Variants in PXDNL observed in about 807,000 individuals in gnomAD.
The protein encoded by PXDNL is peroxidasin like, also known as probable oxidoreductase PXDNL.
PXDNL carries 145 observed loss-of-function variants against 150.8 expected under a neutral mutation model. The ratio of observed to expected loss-of-function variants is 0.96; its 90% CI spans 0.84 to 1.10. The LOEUF is 1.10. Among genes scored for constraint, PXDNL ranks in the 50% least tolerant of loss-of-function variants. The probability of loss-of-function intolerance (pLI) is 0.00; values close to 1 mark genes in which losing one functional copy is unlikely to be tolerated. For synonymous variants in PXDNL, 757 were observed against 725.7 expected (o/e 1.04, Z -0.69); for missense variants, 2,087 against 1,873.9 (o/e 1.11, Z -2.10).
chr8:51,704,660 A>C (rs1324850586), intron 1 of PXDNL, among the ~76,000 whole-genome samples: 5 of 152,178 alleles, frequency 3.3e-5, no homozygotes, highest in Non-Finnish European at 1.5e-5. Context: ...TCAAACTTTA[A>C]TTTTAGCCAA....
chr8:51,505,714 C>T (rs1811270471), intron 4 of PXDNL, among the ~76,000 whole-genome samples: 1 of 152,142 alleles, frequency 6.6e-6, no homozygotes, highest in Admixed American at 6.5e-5. Flanking sequence ...GCTTGCAATA[C>T]AGGGGATCTT....
chr8:51,549,672 G>C (rs117348713), intron 4 of PXDNL, among the ~76,000 whole-genome samples: 10,515 of 152,046 alleles, frequency 0.069, 459 homozygotes, highest in South Asian at 0.1. Flanking sequence ...CTCTGGGATA[G>C]AGAAAAAGCA....
At chr8:51,576,831 T>C (rs1291969241) in intron 3 of PXDNL, among the ~76,000 whole-genome samples, 1 of 151,584 alleles carries the variant, frequency 6.6e-6, no homozygotes, top group Non-Finnish European at 1.5e-5. Context: ...CTACAAATCC[T>C]GCAGACATTA....
At chr8:51,413,102 G>A (rs750110375) in intron 15 of PXDNL, 48 bp downstream of exon 15, 3 of 1,141,914 alleles carry the variant, frequency 2.6e-6, no homozygotes, top group South Asian at 1.3e-5. Flanking sequence ...AAACTAAGTA[G>A]AACAGAAATG....
intron 12 of PXDNL, among the ~76,000 whole-genome samples, chr8:51,446,674 C>A (rs1213471998): frequency 6.6e-6 from 1 of 152,046 alleles, no homozygotes; most frequent in East Asian, 1.9e-4. Flanking sequence ...AGATTCAGCA[C>A]GTCAGGCCGA....
At chr8:51,716,501 C>T (rs1269440842) in intron 1 of PXDNL, among the ~76,000 whole-genome samples, 1 of 152,194 alleles carries the variant, frequency 6.6e-6, no homozygotes, top group African/African-American at 2.4e-5. Context: ...AACTACTGCA[C>T]TCTTGCTGTG....
chr8:51,580,743 A>C (rs1308947444), intron 3 of PXDNL, among the ~76,000 whole-genome samples: 1 of 152,210 alleles, frequency 6.6e-6, no homozygotes, highest in Admixed American at 6.6e-5. Context: ...ATAGAAGGAT[A>C]CAACAGCTAT....
Position 51,432,917 on chromosome 8 carries a change from G to T in PXDNL, c.1526-6159C>A, listed in dbSNP as rs529552817. ...GCAATCTTCTTCCTAATTTTAAAAG[G>T]AATATTTCGGCCAGGCGCAGTGGCT... On this transcript the variant is annotated intron_variant, in intron 12 of 22. Transcript: ENST00000356297. Among the ~76,000 whole-genome samples the T allele has an allele frequency of 9.5e-5, 14 of 148,012 alleles. No homozygotes were observed. In the East Asian group the frequency reaches 2.1e-3, roughly 23 times the overall value.
intron 1 of PXDNL, among the ~76,000 whole-genome samples, chr8:51,774,442 A>T (rs1287406033): frequency 6.6e-6 from 1 of 152,210 alleles, no homozygotes; most frequent in African/African-American, 2.4e-5. Flanking sequence ...AGATTAAAAT[A>T]TTAACAACTT....
At chr8:51,436,811 A>T (rs1809418392) in intron 12 of PXDNL, among the ~76,000 whole-genome samples, 1 of 152,242 alleles carries the variant, frequency 6.6e-6, no homozygotes, top group Admixed American at 6.5e-5. Context: ...GAGAAAGAAG[A>T]ACAAACCAAA....
At chr8:51,518,669 AAGG>A (rs1811595305) in intron 4 of PXDNL, among the ~76,000 whole-genome samples, 1 of 152,206 alleles carries the variant, frequency 6.6e-6, no homozygotes, top group Non-Finnish European at 1.5e-5. Context: ...ACTGCAGAAA[AAGG>A]AGGAGGTGAC....
chr8:51,760,245 CCT>C (rs1193878206), intron 1 of PXDNL, among the ~76,000 whole-genome samples: 1 of 151,974 alleles, frequency 6.6e-6, no homozygotes, highest in African/African-American at 2.4e-5. Flanking sequence ...CACTTGATTG[CCT>C]AACTCCACAT....
At chr8:51,689,350 G>A (rs1247283134) in intron 1 of PXDNL, among the ~76,000 whole-genome samples, 1 of 151,154 alleles carries the variant, frequency 6.6e-6, no homozygotes, top group African/African-American at 2.4e-5. Flanking sequence ...TCATTTTGGG[G>A]ATTAATATGT....
At chr8:51,726,934 C>A (rs754034725) in intron 1 of PXDNL, among the ~76,000 whole-genome samples, 3 of 152,140 alleles carry the variant, frequency 2.0e-5, no homozygotes, top group African/African-American at 4.8e-5. Flanking sequence ...GACTTTCAAC[C>A]CTTTTCCTCC....
chr8:51,458,385 A>G (rs551641887), intron 8 of PXDNL, among the ~76,000 whole-genome samples: 21 of 152,004 alleles, frequency 1.4e-4, no homozygotes, highest in Non-Finnish European at 2.5e-4. Context: ...ACACAGAAAC[A>G]TATGTTAGAA....
intron 4 of PXDNL, among the ~76,000 whole-genome samples, chr8:51,512,203 A>C (rs985589572): frequency 6.6e-6 from 1 of 152,180 alleles, no homozygotes; most frequent in Non-Finnish European, 1.5e-5. Flanking sequence ...AAATTTCAGA[A>C]CTCTTGCCAT....
chr8:51,388,423 C>T lies in PXDNL; in HGVS notation c.3558-13692G>A, dbSNP rs148073805. Reference sequence around the variant, plus strand: ...TATTCTTTCCAACTTGAGTTAGACACTTAATGTAAGTGAAAAATATCTGCT... The same window carrying T: ...TATTCTTTCCAACTTGAGTTAGACATTTAATGTAAGTGAAAAATATCTGCT... On this transcript the variant is annotated intron_variant, in intron 17 of 22. Coordinates refer to ENST00000356297, the MANE Select transcript of PXDNL (RefSeq NM_144651.5). Among the ~76,000 whole-genome samples, 1,461 of 152,246 alleles carry T rather than the reference C, an allele frequency of 9.6e-3. 18 individuals are homozygous for T. Among genetic ancestry groups the T allele is most frequent in the African/African-American group, 0.033 (1,389 of 41,544 alleles).
intron 1 of PXDNL, among the ~76,000 whole-genome samples, chr8:51,749,907 G>A (rs958449302): frequency 2.0e-5 from 3 of 151,988 alleles, no homozygotes; most frequent in Non-Finnish European, 2.9e-5. Context: ...CACCATGTTG[G>A]CCAGGATGGT....
At chr8:51,791,175 A>G (rs1175850020) in intron 1 of PXDNL, among the ~76,000 whole-genome samples, 1 of 152,174 alleles carries the variant, frequency 6.6e-6, no homozygotes, top group Non-Finnish European at 1.5e-5. Flanking sequence ...CAGGGTCCTA[A>G]ATACTGAGCT....
Sources: gnomAD v4.1 joint callset for allele counts (sites outside exome capture counted in the v4.1 genomes callset) on GRCh38, gnomAD v4.1.1 for gene constraint, MANE v1.5 for transcripts, NCBI Gene and HGNC (gene_info 2026-07-23, HGNC 2026-07-21) for gene names.